Variants in NPLOC4 observed in about 807,000 individuals in gnomAD.
NPLOC4 encodes NPL4 homolog, ubiquitin recognition factor.
In NPLOC4, 18 loss-of-function variants were observed where a neutral mutation model predicts 80.6. That is an observed-to-expected ratio of 0.22 (90% CI 0.15 to 0.33). The LOEUF is 0.33. Ranked by LOEUF, NPLOC4 falls within the 10% of genes least tolerant of loss-of-function variation. The pLI is 1.00. For missense variants in NPLOC4, 540 were observed against 786.1 expected, an observed-to-expected ratio of 0.69 and a Z score of 3.74; for synonymous variants, 313 against 301.5, an observed-to-expected ratio of 1.04 and a Z score of -0.39.
At chr17:81,613,999 A>G (rs1288305452) in intron 3 of NPLOC4, among the ~76,000 whole-genome samples, 1 of 152,070 alleles carries the variant, frequency 6.6e-6, no homozygotes, top group Non-Finnish European at 1.5e-5. Flanking sequence ...GTGACTGGCC[A>G]GGCTCGGTGG....
chr17:81,598,249 G>A (rs1325456099), intron 9 of NPLOC4, among the ~76,000 whole-genome samples: 3 of 152,098 alleles, frequency 2.0e-5, no homozygotes, highest in African/African-American at 7.2e-5. Context: ...CCACACCCAG[G>A]GATCTCCATC....
chr17:81,605,094 A>AT (rs1017723699), intron 7 of NPLOC4, among the ~76,000 whole-genome samples: 1 of 151,272 alleles, frequency 6.6e-6, no homozygotes, highest in African/African-American at 2.4e-5. Context: ...TCCCGTCTCT[A>AT]TTTTTTTTGT....
intron 3 of NPLOC4, among the ~76,000 whole-genome samples, chr17:81,619,691 C>G (rs1482108852): frequency 6.6e-6 from 1 of 151,838 alleles, no homozygotes; most frequent in Non-Finnish European, 1.5e-5. Context: ...TCAGCCTGGC[C>G]AACACGGTGA....
intron 3 of NPLOC4, among the ~76,000 whole-genome samples, chr17:81,617,786 G>A (rs544972269): frequency 6.6e-6 from 1 of 151,708 alleles, no homozygotes; most frequent in East Asian, 2.0e-4. Flanking sequence ...AGCCTGCCGA[G>A]TGCCTGCGAT....
intron 16 of NPLOC4, 117 bp downstream of exon 16, chr17:81,565,388 G>T (rs1193820199): frequency 1.1e-6 from 1 of 908,426 alleles, no homozygotes; most frequent in Admixed American, 2.0e-5. Context: ...GATGGCACCT[G>T]CCAGGATGCA....
Position 81,567,749 on chromosome 17 carries a change from C to G in NPLOC4, c.1450-216G>C, listed in dbSNP as rs1010325303. Among the ~76,000 whole-genome samples the G allele has an allele frequency of 6.6e-6, 1 of 152,194 alleles. No individual in the cohort carries two copies. The highest frequency in any genetic ancestry group is 6.5e-5 in the Admixed American group (1 of 15,282). ...CTCCCAAGAAGATGCTCTCAGCACA[C>G]CTGACTACCCAGATGTGCAAGGAGA... On this transcript the variant is annotated intron_variant, in intron 14 of 16. Coordinates refer to ENST00000331134, the MANE Select transcript of NPLOC4 (RefSeq NM_017921.4). The surrounding 1 kb of genome is among the most constrained non-coding windows in gnomAD (Gnocchi z 4.5).
chr17:81,597,477 CATCTCTACTAAAAAT>C (rs2144181475), intron 9 of NPLOC4, among the ~76,000 whole-genome samples, 161 bp from the exon 10 acceptor site: 1 of 152,198 alleles, frequency 6.6e-6, no homozygotes, highest in South Asian at 2.1e-4. Flanking sequence ...AGTGAAACCC[CATCTCTACTAAAAAT>C]ACAGAAATTA....
At chr17:81,584,214 A>C (rs942805843) in intron 12 of NPLOC4, among the ~76,000 whole-genome samples, 1 of 152,218 alleles carries the variant, frequency 6.6e-6, no homozygotes, top group African/African-American at 2.4e-5. Context: ...TCTTTGCTCC[A>C]ACTGATATTT....
chr17:81,631,363 A>G (rs919103470), intron 1 of NPLOC4, among the ~76,000 whole-genome samples: 1 of 149,774 alleles, frequency 6.7e-6, no homozygotes, highest in African/African-American at 2.5e-5. Context: ...TGGCCAACAC[A>G]GCGAGACCCC....
chr17:81,620,135 G>GT (rs1285512929), intron 3 of NPLOC4, among the ~76,000 whole-genome samples: 1 of 152,176 alleles, frequency 6.6e-6, no homozygotes, highest in Non-Finnish European at 1.5e-5. Flanking sequence ...ATTACAAGAA[G>GT]TAAGACATAC....
chr17:81,623,671 G>A (rs1380796831), intron 2 of NPLOC4, among the ~76,000 whole-genome samples: 1 of 151,140 alleles, frequency 6.6e-6, no homozygotes, highest in South Asian at 2.1e-4. Context: ...GGTGGTGGGC[G>A]CCTGCAGTCC....
At chr17:81,602,900 T>TACATACATATATATGTATATATACACAC (rs772821930) in intron 8 of NPLOC4, among the ~76,000 whole-genome samples, 11 of 150,010 alleles carry the variant, frequency 7.3e-5, no homozygotes, top group Admixed American at 3.4e-4. Context: ...TATATACACA[T>TACATACATATATATGTATATATACACAC]ACATACATAT....
At chr17:81,618,387 C>T (rs2035564490) in intron 3 of NPLOC4, among the ~76,000 whole-genome samples, 1 of 151,688 alleles carries the variant, frequency 6.6e-6, no homozygotes, top group Non-Finnish European at 1.5e-5. Flanking sequence ...TGCCTGGCCG[C>T]CCCGTCTGAG....
chr17:81,559,748 T>TTC (rs34755486), intron 16 of NPLOC4, among the ~76,000 whole-genome samples: 6 of 125,860 alleles, frequency 4.8e-5, no homozygotes, highest in Non-Finnish European at 7.2e-5. Context: ...TTTTTTTTTT[T>TTC]CTGAGGTAGG....
chr17:81,619,473 C>CG lies in NPLOC4; in HGVS notation c.209+2692dup, dbSNP rs370143967. On this transcript the variant is annotated intron_variant, in intron 3 of 16. Coordinates refer to ENST00000331134, the MANE Select transcript of NPLOC4 (RefSeq NM_017921.4). ...CTAAGGCAGGAGAATCGCTTGAACCCGGGGGGGCAGAGGTTGTGGTGAGCT... is the reference window on the plus strand; with the variant it reads ...CTAAGGCAGGAGAATCGCTTGAACCCGGGGGGGGCAGAGGTTGTGGTGAGCT... Among the ~76,000 whole-genome samples, 495 of 146,218 alleles carry CG rather than the reference C, an allele frequency of 3.4e-3. 7 individuals are homozygous for CG. The South Asian group carries it at 0.045, about 13-fold the overall frequency.
intron 9 of NPLOC4, among the ~76,000 whole-genome samples, chr17:81,597,652 GCA>G (rs1434202705): frequency 2.0e-5 from 3 of 151,952 alleles, no homozygotes; most frequent in South Asian, 2.1e-4. Context: ...GGGTGGTGGC[GCA>G]TGCCTGTAAT....
chr17:81,583,753 G>C (rs779282690), intron 12 of NPLOC4, among the ~76,000 whole-genome samples: 1 of 152,192 alleles, frequency 6.6e-6, no homozygotes, highest in African/African-American at 2.4e-5. Flanking sequence ...ATATGGGACA[G>C]GGCAAAGCTG....
At chr17:81,583,916 G>C (rs574855472) in intron 12 of NPLOC4, among the ~76,000 whole-genome samples, 4 of 152,222 alleles carry the variant, frequency 2.6e-5, no homozygotes, top group Non-Finnish European at 5.9e-5. Context: ...TCTAGGTATA[G>C]ATGCATTTTT....
chr17:81,589,234 A>C (rs2034667741), intron 11 of NPLOC4, 130 bp from the exon 12 acceptor site: 1 of 792,706 alleles, frequency 1.3e-6, no homozygotes, highest in Non-Finnish European at 1.9e-6. Context: ...AAGAGTTAAA[A>C]AATGTTCAGT....
Sources: allele counts gnomAD v4.1 joint callset (sites outside exome capture counted in the v4.1 genomes callset), GRCh38; gene constraint gnomAD v4.1.1; non-coding constraint Gnocchi (gnomAD v3.1); transcripts MANE v1.5; gene names NCBI Gene and HGNC (gene_info 2026-07-23, HGNC 2026-07-21).